The following CSF2RB variants were observed in gnomAD, a reference collection of about 807,000 sequenced individuals.
CSF2RB encodes the protein colony stimulating factor 2 receptor subunit beta, also known as cytokine receptor common subunit beta.
In CSF2RB, 22 loss-of-function variants were observed where a neutral mutation model predicts 67.2. That is an observed-to-expected ratio of 0.33 (90% CI 0.23 to 0.47). CSF2RB has a LOEUF of 0.47. Among genes scored for constraint, CSF2RB ranks in the 20% least tolerant of loss-of-function variants. The pLI is 1.00. For synonymous variants in CSF2RB, 507 were observed against 482.9 expected, an observed-to-expected ratio of 1.05 and a Z score of -0.65; for missense variants, 1,113 against 1,174.5, an observed-to-expected ratio of 0.95 and a Z score of 0.76.
At chr22:36,923,765 G>T (rs767414935) in intron 3 of CSF2RB, 41 of 1,295,518 alleles carry the variant, frequency 3.2e-5, no homozygotes, top group Non-Finnish European at 3.8e-5. Context: ...GTAGACCAAG[G>T]AGAGATGGCG....
At chr22:36,914,978 T>G (rs186320599) in intron 1 of CSF2RB, among the ~76,000 whole-genome samples, 15 of 152,344 alleles carry the variant, frequency 9.8e-5, no homozygotes, top group Admixed American at 1.3e-4. Context: ...AGCAATTTCT[T>G]TTCCCTAGTT....
At chr22:36,916,422 G>A (rs1940714248) in intron 1 of CSF2RB, among the ~76,000 whole-genome samples, 1 of 152,096 alleles carries the variant, frequency 6.6e-6, no homozygotes, top group African/African-American at 2.4e-5. Context: ...GATTTGAAGT[G>A]CCCCTATTAC....
intron 4 of CSF2RB, among the ~76,000 whole-genome samples, chr22:36,928,636 T>C (rs1941077316): frequency 6.6e-6 from 1 of 152,128 alleles, no homozygotes; most frequent in African/African-American, 2.4e-5. Context: ...CAACCCAGAG[T>C]TCCCAGGAGA....
chr22:36,939,403 C>T lies in CSF2RB; in HGVS notation c.*901C>T, dbSNP rs1941342362. ...GCATATATGCTTTAGGGCCTTTGGT[C>T]CAAATGGCCCGGGTGGCCACTCTTC... On this transcript the variant is annotated 3_prime_UTR_variant, in exon 14 of 14. Transcript: ENST00000403662. 2 of 615,432 alleles carry T rather than the reference C, an allele frequency of 3.2e-6. No individual in the cohort carries two copies. The highest frequency in any genetic ancestry group is 2.6e-4 in the Middle Eastern group (1 of 3,776). 38.1% of individuals were successfully genotyped at this position (615,432 alleles called of 1,614,324 possible). A position where few individuals can be genotyped will look rare whatever the true frequency, so the allele number is the denominator to read the frequency against.
intron 4 of CSF2RB, 40 bp from the exon 5 acceptor site, chr22:36,929,362 C>A (rs759047033): frequency 2.5e-6 from 4 of 1,613,744 alleles, no homozygotes; most frequent in African/African-American, 2.7e-5. Flanking sequence ...TGCCCCCCAG[C>A]GGTCCAGCCC....
intron 1 of CSF2RB, among the ~76,000 whole-genome samples, chr22:36,914,113 G>T (rs975970169): frequency 1.1e-4 from 16 of 152,172 alleles, no homozygotes; most frequent in Non-Finnish European, 4.4e-5. Flanking sequence ...GGAATGGGGA[G>T]CATGGATAGT....
intron 10 of CSF2RB, 138 bp from the exon 11 acceptor site, chr22:36,935,213 C>G (rs1476159398): frequency 1.3e-6 from 1 of 796,818 alleles, no homozygotes; most frequent in Non-Finnish European, 2.1e-6. Flanking sequence ...CCCCTAATCC[C>G]CCAAGGCAGT....
At position 36,922,133 on chromosome 22, in the gene CSF2RB, C is replaced by T. The variant is rs117937233; in HGVS notation, c.-75C>T. Reference sequence around the variant, plus strand: ...TGGGCAGGAACACAGGACTTCAGGACACTAAGGACCCTGTCATGCCCATGG... The same window carrying T: ...TGGGCAGGAACACAGGACTTCAGGATACTAAGGACCCTGTCATGCCCATGG... On this transcript the variant is annotated 5_prime_UTR_variant, in exon 2 of 14. Coordinates refer to ENST00000403662, the MANE Select transcript of CSF2RB (RefSeq NM_000395.3). 0.044 allele frequency: 60,420 copies of T among 1,371,378 alleles called. 1,525 individuals are homozygous for T. Among genetic ancestry groups the T allele is most frequent in the South Asian group, 0.052 (4,188 of 80,508 alleles). 85.0% of individuals were successfully genotyped at this position (1,371,378 alleles called of 1,614,324 possible).
chr22:36,937,713 G>A lies in CSF2RB; in HGVS notation c.1905G>A (p.Gly635=), dbSNP rs754360881. The change falls in exon 14 of 14, where the codon GGG becomes GGA. Residue 635 remains glycine (G), a synonymous_variant. Coordinates refer to ENST00000403662, the MANE Select transcript of CSF2RB (RefSeq NM_000395.3). The surrounding 1 kb of genome is among the most constrained non-coding windows in gnomAD (Gnocchi z 4.6). ...SLEYLCLPAG[G]QVQLVPLAQA... ...AGTACCTGTGTCTGCCTGCTGGGGG[G>A]CAGGTGCAACTGGTCCCTCTGGCCC... is the stretch of plus-strand genomic sequence containing the variant. The A allele has an allele frequency of 3.2e-6, 5 of 1,556,398 alleles. No individual in the cohort carries two copies. Among genetic ancestry groups the A allele is most frequent in the East Asian group, 4.8e-5 (2 of 41,356 alleles).
intron 4 of CSF2RB, 53 bp downstream of exon 4, chr22:36,926,230 G>A: frequency 5.1e-6 from 8 of 1,578,064 alleles, no homozygotes. Context: ...GGACAGCGGG[G>A]GCACCAGGGG....
chr22:36,933,698 T>G, intron 9 of CSF2RB, 134 bp from the exon 10 acceptor site: 1 of 1,229,932 alleles, frequency 8.1e-7, no homozygotes, highest in Non-Finnish European at 1.1e-6. Context: ...TCCACGGTGG[T>G]GAGAGAGAAG....
Position 36,923,545 on chromosome 22 carries a change from G to A in CSF2RB, c.200+178G>A, listed in dbSNP as rs990555995. ...TGCTCCGCCAGGCACCTGCGAGGCC[G>A]GGTGCTGCCGTCTGACCTGGGGTTT... On this transcript the variant is annotated intron_variant, in intron 3 of 13. Transcript: ENST00000403662. Among the ~76,000 whole-genome samples the A allele has an allele frequency of 3.3e-5, 5 of 152,306 alleles. No individual in the cohort carries two copies. In the South Asian group the frequency reaches 1.0e-3, roughly 32 times the overall value.
Position 36,938,089 on chromosome 22 carries a change from T to A in CSF2RB, c.2281T>A (p.Ser761Thr). 6.2e-7 allele frequency: 1 copy of A among 1,613,800 alleles called. No homozygotes were observed. Among genetic ancestry groups the A allele is most frequent in the Non-Finnish European group, 8.5e-7 (1 of 1,179,900 alleles). ...GPPGAPGPVKSGFEGYVELPP... is the reference protein window; with the variant it reads ...GPPGAPGPVKTGFEGYVELPP... ...CCCTGGAGCCCCAGGCCCTGTGAAG[T>A]CAGGGTTTGAGGGCTATGTGGAGCT... The change falls in exon 14 of 14, where the codon TCA becomes ACA. Residue 761 changes from serine to threonine, a missense_variant. By Grantham distance (58) the Ser-to-Thr change is moderately conservative (BLOSUM62 1). Transcript: ENST00000403662.
chr22:36,927,820 A>G (rs773271108), intron 4 of CSF2RB, among the ~76,000 whole-genome samples: 6 of 152,226 alleles, frequency 3.9e-5, no homozygotes, highest in Non-Finnish European at 8.8e-5. Context: ...TAAAGCACTC[A>G]TTCCTAGAAA....
At chr22:36,927,857 T>C (rs1376938345) in intron 4 of CSF2RB, among the ~76,000 whole-genome samples, 1 of 152,104 alleles carries the variant, frequency 6.6e-6, no homozygotes, top group Admixed American at 6.5e-5. Context: ...GGCTAGGAGA[T>C]GGGGACATGA....
intron 1 of CSF2RB, among the ~76,000 whole-genome samples, chr22:36,921,452 T>C (rs530307888): frequency 3.6e-3 from 549 of 152,020 alleles, no homozygotes; most frequent in Middle Eastern, 0.014. Context: ...TGTGCCTGCG[T>C]GTGTCCGTGT....
At chr22:36,934,330 C>T (rs1261802863) in intron 10 of CSF2RB, among the ~76,000 whole-genome samples, 1 of 152,184 alleles carries the variant, frequency 6.6e-6, no homozygotes, top group Non-Finnish European at 1.5e-5. Context: ...CTCCAGACCC[C>T]ACTCCACTCA....
At chr22:36,932,363 A>T (rs1432636257) in intron 8 of CSF2RB, among the ~76,000 whole-genome samples, 1 of 148,856 alleles carries the variant, frequency 6.7e-6, no homozygotes, top group Non-Finnish European at 1.5e-5. Context: ...TGAACCCAGG[A>T]GGCAGAGGTT....
intron 1 of CSF2RB, among the ~76,000 whole-genome samples, chr22:36,916,753 G>T (rs767238482): frequency 1.3e-5 from 2 of 152,114 alleles, no homozygotes; most frequent in South Asian, 2.1e-4. Flanking sequence ...CAGCTACTTG[G>T]GATGCTGAAG....
Sources: gnomAD v4.1 joint callset for allele counts (sites outside exome capture counted in the v4.1 genomes callset) on GRCh38, gnomAD v4.1.1 for gene constraint, Gnocchi (gnomAD v3.1) non-coding constraint, MANE v1.5 for transcripts, NCBI Gene and HGNC (gene_info 2026-07-23, HGNC 2026-07-21) for gene names.